Variants in GRIK2 observed in about 807,000 individuals in gnomAD.
GRIK2 encodes glutamate ionotropic receptor kainate type subunit 2, also known as glutamate receptor ionotropic, kainate 2.
In GRIK2, 32 loss-of-function variants were observed where a neutral mutation model predicts 100.3. The observed-to-expected ratio is 0.32, with a 90% CI of 0.24 to 0.43. GRIK2 has a LOEUF of 0.43. GRIK2 is among the 20% of genes least tolerant of loss of function. The pLI, the probability that GRIK2 is intolerant of heterozygous loss-of-function variation, is 1.00. For missense variants in GRIK2, 843 were observed against 1,114.9 expected, an observed-to-expected ratio of 0.76 and a Z score of 3.47; for synonymous variants, 417 against 389.4, an observed-to-expected ratio of 1.07 and a Z score of -0.83.
intron 2 of GRIK2, among the ~76,000 whole-genome samples, chr6:101,478,746 G>C (rs188530657): frequency 1.1e-4 from 16 of 151,720 alleles, no homozygotes; most frequent in African/African-American, 3.1e-4. Flanking sequence ...GGATGGTCTC[G>C]ATCTCCTGAC....
intron 7 of GRIK2, among the ~76,000 whole-genome samples, chr6:101,776,993 C>T (rs944039355): frequency 3.3e-5 from 5 of 152,198 alleles, no homozygotes; most frequent in Non-Finnish European, 5.9e-5. Flanking sequence ...TGGTGATCAT[C>T]GCCATCATCG....
At chr6:101,781,741 A>T (rs1046967933) in intron 7 of GRIK2, among the ~76,000 whole-genome samples, 7 of 151,990 alleles carry the variant, frequency 4.6e-5, no homozygotes, top group Admixed American at 2.6e-4. Flanking sequence ...TATCCTTCAT[A>T]TGTTCAGAAA....
At chr6:101,483,930 T>A (rs925192328) in intron 2 of GRIK2, among the ~76,000 whole-genome samples, 6 of 152,228 alleles carry the variant, frequency 3.9e-5, no homozygotes, top group Admixed American at 6.5e-5. Flanking sequence ...TTATATAAAG[T>A]AGGGCATTAA....
At chr6:101,661,560 A>G (rs1436136519) in intron 4 of GRIK2, among the ~76,000 whole-genome samples, 1 of 151,950 alleles carries the variant, frequency 6.6e-6, no homozygotes, top group African/African-American at 2.4e-5. Flanking sequence ...TGTCTGCTCA[A>G]ATGGCTGCCC....
intron 14 of GRIK2, among the ~76,000 whole-genome samples, chr6:102,023,949 C>T (rs1024040046): frequency 6.6e-6 from 1 of 151,340 alleles, no homozygotes; most frequent in African/African-American, 2.4e-5. Context: ...CTTTAATGCG[C>T]ATGAGGCTCC....
intron 5 of GRIK2, among the ~76,000 whole-genome samples, chr6:101,681,404 A>ATTTTTTTTTTT (rs149557882): frequency 8.9e-6 from 1 of 111,956 alleles, no homozygotes. Context: ...TTTCTTTTCT[A>ATTTTTTTTTTT]TTTTTTTTTT....
intron 14 of GRIK2, among the ~76,000 whole-genome samples, chr6:101,998,521 G>A (rs1794763570): frequency 6.6e-6 from 1 of 151,790 alleles, no homozygotes; most frequent in Non-Finnish European, 1.5e-5. Flanking sequence ...TTGTGTTTTT[G>A]TTGTCTTATT....
intron 2 of GRIK2, among the ~76,000 whole-genome samples, chr6:101,553,163 C>T (rs909029932): frequency 1.3e-5 from 2 of 152,148 alleles, no homozygotes; most frequent in Non-Finnish European, 2.9e-5. Flanking sequence ...ATGTCATAAA[C>T]ACTACAATAG....
intron 2 of GRIK2, among the ~76,000 whole-genome samples, chr6:101,428,068 T>C (rs1159474462): frequency 6.6e-6 from 1 of 152,224 alleles, no homozygotes; most frequent in African/African-American, 2.4e-5. Flanking sequence ...TAGGAATTAA[T>C]ATCTGTGTTT....
At chr6:102,002,788 T>C (rs1049426127) in intron 14 of GRIK2, among the ~76,000 whole-genome samples, 74 of 150,900 alleles carry the variant, frequency 4.9e-4, no homozygotes, top group African/African-American at 1.8e-3. Context: ...TTATCACAGA[T>C]GTATTCATTT....
intron 2 of GRIK2, among the ~76,000 whole-genome samples, chr6:101,453,093 A>G (rs1008915374): frequency 2.6e-5 from 4 of 151,926 alleles, no homozygotes; most frequent in Admixed American, 2.6e-4. Context: ...TTCAAAATGG[A>G]ATTCCCTCCC....
chr6:101,914,583 G>A (rs1484228131), intron 12 of GRIK2, among the ~76,000 whole-genome samples: 2 of 151,408 alleles, frequency 1.3e-5, no homozygotes, highest in East Asian at 1.9e-4. Flanking sequence ...ACTTTGGTTT[G>A]GAGTGTGAGT....
chr6:101,750,883 A>T (rs1043661743), intron 7 of GRIK2, among the ~76,000 whole-genome samples: 12 of 152,166 alleles, frequency 7.9e-5, no homozygotes, highest in African/African-American at 2.9e-4. Flanking sequence ...CTTACATTTC[A>T]TGACTTTTCT....
At chr6:101,503,725 A>G (rs1212101338) in intron 2 of GRIK2, among the ~76,000 whole-genome samples, 2 of 152,176 alleles carry the variant, frequency 1.3e-5, no homozygotes, top group African/African-American at 4.8e-5. Flanking sequence ...TATGGCTTGA[A>G]CAAAATTCCT....
At chr6:101,600,966 G>T (rs564066560) in intron 2 of GRIK2, among the ~76,000 whole-genome samples, 5 of 151,880 alleles carry the variant, frequency 3.3e-5, no homozygotes, top group African/African-American at 1.2e-4. Flanking sequence ...GCACTGTGTT[G>T]AATAGGAGTG....
At chr6:101,683,140 T>C (rs1407567396) in intron 6 of GRIK2, among the ~76,000 whole-genome samples, 3 of 151,720 alleles carry the variant, frequency 2.0e-5, no homozygotes, top group Non-Finnish European at 4.4e-5. Flanking sequence ...GAGGCGGAGG[T>C]TGCAGTGAGC....
intron 7 of GRIK2, among the ~76,000 whole-genome samples, chr6:101,757,619 CAT>C (rs1777219055): frequency 6.6e-6 from 1 of 152,102 alleles, no homozygotes; most frequent in South Asian, 2.1e-4. Context: ...CGCCTAAGGA[CAT>C]AGAGTCCAGC....
intron 6 of GRIK2, among the ~76,000 whole-genome samples, chr6:101,685,341 GTA>G (rs1771599298): frequency 6.6e-6 from 1 of 152,142 alleles, no homozygotes; most frequent in South Asian, 2.1e-4. Flanking sequence ...TCTAGCCTGT[GTA>G]GCTGTATGAG....
At chr6:101,933,593 A>T (rs1349425137) in intron 14 of GRIK2, among the ~76,000 whole-genome samples, 2 of 151,914 alleles carry the variant, frequency 1.3e-5, no homozygotes, top group African/African-American at 4.8e-5. Flanking sequence ...TGATGATTTG[A>T]TTATTATCTG....
Sources: allele counts gnomAD v4.1 joint callset (sites outside exome capture counted in the v4.1 genomes callset), GRCh38; gene constraint gnomAD v4.1.1; transcripts MANE v1.5; gene names NCBI Gene and HGNC (gene_info 2026-07-23, HGNC 2026-07-21).